Variants in IFFO2 observed in about 807,000 individuals in gnomAD.
IFFO2 encodes intermediate filament family orphan 2.
IFFO2 carries 19 observed loss-of-function variants against 53.5 expected under a neutral mutation model. That is an observed-to-expected ratio of 0.36 (90% CI 0.25 to 0.52). The LOEUF (loss-of-function observed/expected upper bound fraction) is 0.52. IFFO2 is among the 20% of genes least tolerant of loss of function. The pLI, the probability that IFFO2 is intolerant of heterozygous loss-of-function variation, is 0.94. For missense variants in IFFO2, 570 were observed against 727.4 expected, an observed-to-expected ratio of 0.78 and a Z score of 2.49; for synonymous variants, 303 against 313.6, an observed-to-expected ratio of 0.97 and a Z score of 0.36.
chr1:18,905,775 A>G lies in IFFO2; in HGVS notation c.*2786T>C, dbSNP rs879879607. 2 of 151,580 alleles carry G rather than the reference A, an allele frequency of 1.3e-5. No homozygotes were observed. The highest frequency in any genetic ancestry group is 2.9e-5 in the Non-Finnish European group (2 of 67,962). The allele number at this position is 151,580 out of a possible 1,614,324, so 9.4% of individuals were successfully genotyped here. A position where few individuals can be genotyped will look rare whatever the true frequency, so the allele number is the denominator to read the frequency against. On this transcript the variant is annotated 3_prime_UTR_variant, in exon 9 of 9. Transcript: ENST00000455833. Reference sequence around the variant, plus strand: ...ATGCTAGTCTTCCTATCCCTCCCCAATCCTCTGTTTGTATAAAACCCCCAA... The same window carrying G: ...ATGCTAGTCTTCCTATCCCTCCCCAGTCCTCTGTTTGTATAAAACCCCCAA...
chr1:18,930,776 C>A (rs768599898), intron 1 of IFFO2, among the ~76,000 whole-genome samples: 3 of 152,232 alleles, frequency 2.0e-5, no homozygotes, highest in Non-Finnish European at 4.4e-5. Context: ...CAATGCCAAT[C>A]TGAGGTTTCA....
chr1:18,946,669 G>A lies in IFFO2; in HGVS notation c.665+8999C>T, dbSNP rs183445159. On this transcript the variant is annotated intron_variant, in intron 1 of 8. Transcript: ENST00000455833. ...CCTGACCTCATGATCTACCCGCCTCGGCCTCCTAAAGTGCTGGGATTACAG... is the reference window on the plus strand; with the variant it reads ...CCTGACCTCATGATCTACCCGCCTCAGCCTCCTAAAGTGCTGGGATTACAG... Among the ~76,000 whole-genome samples, 423 of 151,360 alleles carry A rather than the reference G, an allele frequency of 2.8e-3. 4 individuals carry two copies. The highest frequency in any genetic ancestry group is 9.7e-3 in the African/African-American group (398 of 41,222).
At chr1:18,915,440 T>C (rs917185292) in intron 5 of IFFO2, among the ~76,000 whole-genome samples, 9 of 152,248 alleles carry the variant, frequency 5.9e-5, no homozygotes, top group Admixed American at 2.0e-4. Flanking sequence ...TCACTGAGCC[T>C]GGAGTGGGTA....
Position 18,910,486 on chromosome 1 carries a change from A to G in IFFO2, c.1318-14T>C. The G allele has an allele frequency of 1.9e-6, 3 of 1,605,012 alleles. No individual in the cohort carries two copies. The highest frequency in any genetic ancestry group is 2.6e-6 in the Non-Finnish European group (3 of 1,175,634). ...GGCCAGCTCGAGCTGGGAGGAACCA[A>G]TGAGGAATAAGGGTGAGGGCAAGTC... On this transcript the variant is annotated splice_polypyrimidine_tract_variant and intron_variant, in intron 7 of 8. Coordinates refer to ENST00000455833, the MANE Select transcript of IFFO2 (RefSeq NM_001136265.2).
At chr1:18,913,989 G>T (rs549761046) in intron 5 of IFFO2, among the ~76,000 whole-genome samples, 5 of 151,520 alleles carry the variant, frequency 3.3e-5, no homozygotes, top group African/African-American at 9.8e-5. Context: ...CCGCCACCAC[G>T]CCCGGCTAAT....
chr1:18,943,703 G>A (rs184639045), intron 1 of IFFO2, among the ~76,000 whole-genome samples: 19 of 152,312 alleles, frequency 1.2e-4, no homozygotes, highest in African/African-American at 4.3e-4. Flanking sequence ...CTGGCAGATC[G>A]GGAAGGCAGA....
At chr1:18,946,402 C>T (rs1487863253) in intron 1 of IFFO2, among the ~76,000 whole-genome samples, 1 of 149,970 alleles carries the variant, frequency 6.7e-6, no homozygotes, top group Middle Eastern at 3.2e-3. Context: ...TCTGGGCTTG[C>T]CACTTTCTTT....
At position 18,916,595 on chromosome 1, in the gene IFFO2, G is replaced by A. The variant is rs1193304391; in HGVS notation, c.1103+308C>T. Among the ~76,000 whole-genome samples, 1 of 152,088 alleles carries A rather than the reference G, an allele frequency of 6.6e-6. No homozygotes were observed. The highest frequency in any genetic ancestry group is 1.5e-5 in the Non-Finnish European group (1 of 68,014). Reference sequence around the variant, plus strand: ...AGCCTGGGCAACACAGTGAGACCCTGTCTCTACAAAAAAATTTAAAAATTA... The same window carrying A: ...AGCCTGGGCAACACAGTGAGACCCTATCTCTACAAAAAAATTTAAAAATTA... On this transcript the variant is annotated intron_variant, in intron 5 of 8. Transcript: ENST00000455833. This position sits in a 1 kb window ranked among gnomAD's most constrained non-coding sequence, Gnocchi z 4.3.
At chr1:18,914,276 CTTTGCCCATGGGGCCCCCTGGCT>C (rs1936098413) in intron 5 of IFFO2, among the ~76,000 whole-genome samples, 1 of 152,242 alleles carries the variant, frequency 6.6e-6, no homozygotes, top group South Asian at 2.1e-4. Flanking sequence ...ACACTGGAGC[CTTTGCCCATGGGGCCCCCTGGCT>C]TCCACTCTGA....
At position 18,918,611 on chromosome 1, in the gene IFFO2, G is replaced by C; in HGVS notation, c.823-109C>G. 5 of 1,167,370 alleles carry C rather than the reference G, an allele frequency of 4.3e-6. No individual in the cohort carries two copies. The highest frequency in any genetic ancestry group is 6.0e-6 in the Non-Finnish European group (5 of 827,004). The allele number at this position is 1,167,370 out of a possible 1,614,324, so 72.3% of individuals were successfully genotyped here. A position where few individuals can be genotyped will look rare whatever the true frequency, so the allele number is the denominator to read the frequency against. On this transcript the variant is annotated intron_variant, in intron 3 of 8. Coordinates refer to ENST00000455833, the MANE Select transcript of IFFO2 (RefSeq NM_001136265.2). The surrounding 1 kb of genome is among the most constrained non-coding windows in gnomAD (Gnocchi z 5.2). ...GTGTCAGCAGGGGTGGTGCGGGGAGGCCTCCAGAGTCCGAGGGTGCCTTGG... is the reference window on the plus strand; with the variant it reads ...GTGTCAGCAGGGGTGGTGCGGGGAGCCCTCCAGAGTCCGAGGGTGCCTTGG...
chr1:18,911,835 G>A (rs1434761588), intron 6 of IFFO2, 128 bp downstream of exon 6: 10 of 1,243,798 alleles, frequency 8.0e-6, no homozygotes, highest in Admixed American at 2.4e-5. Flanking sequence ...CACTGCGCCT[G>A]GCCCAAAGGG....
intron 1 of IFFO2, among the ~76,000 whole-genome samples, chr1:18,927,471 G>A (rs1936320250): frequency 6.6e-6 from 1 of 152,240 alleles, no homozygotes; most frequent in Admixed American, 6.5e-5. Context: ...CTCCACCCTG[G>A]CCTCGGGGAG....
Position 18,917,165 on chromosome 1 carries a change from C to T in IFFO2, c.964-123G>A. On this transcript the variant is annotated intron_variant, in intron 4 of 8. Transcript: ENST00000455833. This position sits in a 1 kb window ranked among gnomAD's most constrained non-coding sequence, Gnocchi z 5.9. ...GAGCGTGACTGGGGCCGGCCAGTGC[C>T]AGGAAAGGTGCAGGTCCTCTAAGAA... 1.8e-6 allele frequency: 2 copies of T among 1,114,076 alleles called. No homozygotes were observed. Among genetic ancestry groups the T allele is most frequent in the Non-Finnish European group, 2.5e-6 (2 of 789,764 alleles). 69.0% of individuals were successfully genotyped at this position (1,114,076 alleles called of 1,614,324 possible).
Position 18,955,673 on chromosome 1 carries a change from CT to C in IFFO2, c.659del (p.Lys220SerfsTer12). On this transcript the variant is annotated frameshift_variant, in exon 1 of 9. Transcript: ENST00000455833. LOFTEE classifies it high-confidence loss of function. ...AKVKRERDEY[K>X]RRWEEELAKR... ...GGGGAGGGGCGGCCACTCACCTCCGCTTATACTCGTCGCGCTCGCGCTTCAC... is the reference window on the plus strand; with the variant it reads ...GGGGAGGGGCGGCCACTCACCTCCGCTATACTCGTCGCGCTCGCGCTTCAC... 6.3e-7 allele frequency: 1 copy of C among 1,582,222 alleles called. No individual in the cohort carries two copies.
intron 1 of IFFO2, among the ~76,000 whole-genome samples, chr1:18,945,012 C>T (rs1269677478): frequency 6.6e-6 from 1 of 152,188 alleles, no homozygotes; most frequent in Non-Finnish European, 1.5e-5. Flanking sequence ...AGCCCGGGCA[C>T]CAGGAGCAGC....
chr1:18,922,336 C>T (rs759731644), intron 1 of IFFO2, among the ~76,000 whole-genome samples: 23 of 152,184 alleles, frequency 1.5e-4, no homozygotes, highest in Non-Finnish European at 2.9e-4. Context: ...TTCTTTCCTT[C>T]CTCACCCCAC....
At chr1:18,922,453 G>C (rs150376559) in intron 1 of IFFO2, among the ~76,000 whole-genome samples, 1 of 152,120 alleles carries the variant, frequency 6.6e-6, no homozygotes, top group South Asian at 2.1e-4. Context: ...GTGGAGAGCC[G>C]GTTACGTCAC....
Position 18,919,890 on chromosome 1 carries a change from C to A in IFFO2, c.727-117G>T, listed in dbSNP as rs2100652027. On this transcript the variant is annotated intron_variant, in intron 2 of 8. Coordinates refer to ENST00000455833, the MANE Select transcript of IFFO2 (RefSeq NM_001136265.2). This position sits in a 1 kb window ranked among gnomAD's most constrained non-coding sequence, Gnocchi z 4.9. ...GATGTCCACCCCAGCTGGGCACCTGCAGCCAGGGAAGGGGCACCAAGGACC... is the reference window on the plus strand; with the variant it reads ...GATGTCCACCCCAGCTGGGCACCTGAAGCCAGGGAAGGGGCACCAAGGACC... 1.5e-6 allele frequency: 1 copy of A among 671,122 alleles called. No homozygotes were observed. The highest frequency in any genetic ancestry group is 2.6e-5 in the Admixed American group (1 of 38,908). 41.6% of individuals were successfully genotyped at this position (671,122 alleles called of 1,614,324 possible).
chr1:18,916,962 C>T lies in IFFO2; in HGVS notation c.1044G>A (p.Ser348=), dbSNP rs1189995984. ...TGTTCATGGAGCCGACCTCATCGTC[C>T]GAGAACCGGTTCACCTCCCCGTCCT... is the stretch of plus-strand genomic sequence containing the variant. ...SEQDGEVNRF[S]DDEVGSMNIT... The change falls in exon 5 of 9, where the codon TCG becomes TCA. Residue 348 remains serine, a synonymous_variant. Coordinates refer to ENST00000455833, the MANE Select transcript of IFFO2 (RefSeq NM_001136265.2). This position sits in a 1 kb window ranked among gnomAD's most constrained non-coding sequence, Gnocchi z 4.3. The T allele has an allele frequency of 3.9e-6, 6 of 1,551,904 alleles. No homozygotes were observed. Among genetic ancestry groups the T allele is most frequent in the African/African-American group, 1.4e-5 (1 of 73,034 alleles).
Sources: gnomAD v4.1 joint callset for allele counts (sites outside exome capture counted in the v4.1 genomes callset) on GRCh38, gnomAD v4.1.1 for gene constraint, Gnocchi (gnomAD v3.1) non-coding constraint, MANE v1.5 for transcripts, NCBI Gene and HGNC (gene_info 2026-07-23, HGNC 2026-07-21) for gene names.